Variants in DMD observed in about 807,000 individuals in gnomAD.
DMD encodes mutant dystrophin.
DMD carries 63 observed loss-of-function variants against 330.1 expected under a neutral mutation model. The observed-to-expected ratio is 0.19, with a 90% confidence interval of 0.16 to 0.24. The LOEUF (loss-of-function observed/expected upper bound fraction) is 0.24, where lower values mean the gene tolerates loss of function less well. Among genes scored for constraint, DMD ranks in the 10% least tolerant of loss-of-function variants. DMD has a pLI of 1.00. For missense variants in DMD, 3,344 were observed against 2,684.1 expected, an observed-to-expected ratio of 1.25 and a Z score of -5.43; for synonymous variants, 1,223 against 959.8, an observed-to-expected ratio of 1.27 and a Z score of -5.07.
At chrX:32,050,003 C>T (rs2096095674) in intron 44 of DMD, among the ~76,000 whole-genome samples, 1 of 111,540 alleles carries the variant, frequency 9.0e-6, no homozygotes, top group Non-Finnish European at 1.9e-5. Flanking sequence ...AGTTACTTTC[C>T]TAGTTAAGTA....
chrX:32,000,713 C>T (rs2095620445), intron 44 of DMD, among the ~76,000 whole-genome samples: 1 of 111,801 alleles, frequency 8.9e-6, no homozygotes, highest in Admixed American at 9.5e-5. Flanking sequence ...AGAAGCTGTA[C>T]TTTCCAGTGG....
chrX:31,214,162 A>C (rs1371091269), intron 64 of DMD, among the ~76,000 whole-genome samples: 1 of 112,538 alleles, frequency 8.9e-6, no homozygotes, highest in Non-Finnish European at 1.9e-5. Context: ...ATCATTTTTG[A>C]GAAATGGGCT....
chrX:31,641,751 A>G (rs145167360), intron 54 of DMD, among the ~76,000 whole-genome samples: 3,308 of 111,682 alleles, frequency 0.03, 120 homozygotes, highest in African/African-American at 0.098. Context: ...ACAGTTACAT[A>G]CATTTGGGAA....
chrX:32,452,986 T>C (rs984290623), intron 26 of DMD, among the ~76,000 whole-genome samples: 1 of 110,940 alleles, frequency 9.0e-6, no homozygotes, highest in African/African-American at 3.3e-5. Flanking sequence ...TTTAAGTGGT[T>C]GGCTTTTCCT....
intron 7 of DMD, among the ~76,000 whole-genome samples, chrX:32,732,699 G>A (rs1230001753): frequency 9.0e-6 from 1 of 110,891 alleles, no homozygotes; most frequent in African/African-American, 3.3e-5. Flanking sequence ...ATACTCTACA[G>A]ACAAGCAAAT....
chrX:31,510,609 G>A (rs1387078337), intron 55 of DMD, among the ~76,000 whole-genome samples: 1 of 103,618 alleles, frequency 9.7e-6, no homozygotes, highest in African/African-American at 3.6e-5. Flanking sequence ...CCAGGTTCAC[G>A]CCATTCTCCT....
rs111973319 is a variant in DMD at position 32,332,413 on chromosome X, A to AGTGTGTGTGTGTGTGTGT, written c.5922+9669_5922+9686dup. Among the ~76,000 whole-genome samples the AGTGTGTGTGTGTGTGTGT allele has an allele frequency of 8.6e-3, 816 of 95,330 alleles. 16 individuals carry two copies. The highest frequency in any genetic ancestry group is 0.024 in the African/African-American group (613 of 25,479). 82.8% of individuals were successfully genotyped at this position (95,330 alleles called of 115,157 possible). On this transcript the variant is annotated intron_variant, in intron 41 of 78. Transcript: ENST00000357033. The stretch of plus-strand genomic sequence containing the variant: ...ATAAATGAGGAAAGCATGGATAAAA[A>AGTGTGTGTGTGTGTGTGT]GTGTGTGTGTGTGTGTGTGTGTGTG...
intron 47 of DMD, among the ~76,000 whole-genome samples, chrX:31,909,553 G>A (rs1371300233): frequency 2.8e-5 from 3 of 106,235 alleles, no homozygotes; most frequent in Non-Finnish European, 3.9e-5. Flanking sequence ...ACAAAAAACC[G>A]GAACCTTGAT....
intron 2 of DMD, among the ~76,000 whole-genome samples, chrX:32,948,055 G>A (rs1468838643): frequency 9.1e-6 from 1 of 109,668 alleles, no homozygotes; most frequent in Non-Finnish European, 1.9e-5. Flanking sequence ...TTTTCTACTA[G>A]ACTTGTCACC....
chrX:33,038,900 AG>A (rs1217673106), intron 1 of DMD, among the ~76,000 whole-genome samples: 1 of 111,531 alleles, frequency 9.0e-6, no homozygotes, highest in African/African-American at 3.3e-5. Context: ...AGTCTCAGGC[AG>A]GAGAATCGCA....
At chrX:31,833,273 G>GGAGAGAGAGAGAGAGAGAGA (rs1248049970) in intron 49 of DMD, among the ~76,000 whole-genome samples, 1 of 49,857 alleles carries the variant, frequency 2.0e-5, no homozygotes, top group Non-Finnish European at 3.2e-5. Context: ...GGAGGAAGGG[G>GGAGAGAGAGAGAGAGAGAGA]GAGAGAGAGA....
intron 45 of DMD, among the ~76,000 whole-genome samples, chrX:31,934,064 G>A (rs1219486088): frequency 9.0e-6 from 1 of 110,741 alleles, no homozygotes; most frequent in African/African-American, 3.3e-5. Context: ...TATATACCTT[G>A]TCTTGAGGAT....
chrX:31,128,414 C>G (rs1456257623), intron 77 of DMD, among the ~76,000 whole-genome samples: 1 of 111,850 alleles, frequency 8.9e-6, no homozygotes, highest in Non-Finnish European at 1.9e-5. Flanking sequence ...TTGCCCTTCA[C>G]TGGCACACTT....
chrX:32,632,612 C>G (rs768032994), intron 11 of DMD, among the ~76,000 whole-genome samples: 26 of 112,332 alleles, frequency 2.3e-4, no homozygotes, highest in African/African-American at 7.8e-4. Flanking sequence ...TCCCAAGCCT[C>G]AACTCTTGCA....
At chrX:32,328,654 C>T (rs1357471732) in intron 41 of DMD, among the ~76,000 whole-genome samples, 1 of 107,597 alleles carries the variant, frequency 9.3e-6, no homozygotes, top group African/African-American at 3.4e-5. Context: ...TGGTGGTTTA[C>T]GGACATTGTA....
At chrX:32,520,047 G>T (rs1167500169) in intron 17 of DMD, among the ~76,000 whole-genome samples, 2 of 111,536 alleles carry the variant, frequency 1.8e-5, no homozygotes, top group African/African-American at 3.3e-5. Flanking sequence ...TATCCAACTT[G>T]AAATTAAGAG....
At chrX:32,812,309 G>A (rs6628737) in intron 6 of DMD, among the ~76,000 whole-genome samples, 2,838 of 111,862 alleles carry the variant, frequency 0.025, 61 homozygotes, top group East Asian at 0.11. Flanking sequence ...AAGTTACAAA[G>A]GTAGTTTAGC....
chrX:32,981,966 T>C lies in DMD; in HGVS notation c.93+38173A>G, dbSNP rs1057440303. On this transcript the variant is annotated intron_variant, in intron 2 of 78. Transcript: ENST00000357033. ...GTTGATTAAATGCAGATAAAGAAGA[T>C]ATGCATTTTTCAAATCTCATGAAGA... Among the ~76,000 whole-genome samples the C allele has an allele frequency of 2.1e-4, 23 of 111,675 alleles. No homozygotes were observed. The Admixed American group carries it at 2.1e-3, about 10-fold the overall frequency.
At chrX:31,396,995 G>C (rs980360406) in intron 60 of DMD, among the ~76,000 whole-genome samples, 4 of 111,723 alleles carry the variant, frequency 3.6e-5, no homozygotes, top group African/African-American at 1.3e-4. Flanking sequence ...CTTCCTAAGA[G>C]AATAAACTAG....
Sources: gnomAD v4.1 joint callset for allele counts (sites outside exome capture counted in the v4.1 genomes callset) on GRCh38, gnomAD v4.1.1 for gene constraint, MANE v1.5 for transcripts, NCBI Gene and HGNC (gene_info 2026-07-23, HGNC 2026-07-21) for gene names.